ART3: variants seen among roughly 807,000 people sequenced by gnomAD.
ART3 encodes the protein ADP-ribosyltransferase 3 (inactive).
A neutral mutation model predicts 48.5 loss-of-function variants in ART3; 49 were observed. That is an observed-to-expected ratio of 1.01 (90% CI 0.80 to 1.28). The LOEUF (loss-of-function observed/expected upper bound fraction) is 1.28. Among genes scored for constraint, ART3 ranks in the 50% most tolerant of loss-of-function variants. The pLI, the probability that ART3 is intolerant of heterozygous loss-of-function variation, is 0.00. For synonymous variants in ART3, 145 were observed against 157.2 expected (o/e 0.92, Z 0.58); for missense variants, 438 against 454.3 (o/e 0.96, Z 0.33).
chr4:76,017,120 T>C (rs921380921), intron 1 of ART3, among the ~76,000 whole-genome samples: 1 of 152,134 alleles, frequency 6.6e-6, no homozygotes, highest in African/African-American at 2.4e-5. Flanking sequence ...TTACTTTTCC[T>C]TCTGCTTTTC....
At chr4:76,102,651 A>G (rs902352379) in intron 8 of ART3, among the ~76,000 whole-genome samples, 7 of 118,768 alleles carry the variant, frequency 5.9e-5, no homozygotes, top group African/African-American at 1.8e-4. Flanking sequence ...CTGCATATAG[A>G]GTATAATATT....
upstream of ART3, among the ~76,000 whole-genome samples, chr4:76,071,423 A>G (rs137963638): frequency 0.012 from 1,801 of 152,170 alleles, 17 homozygotes; most frequent in Non-Finnish European, 0.018. Context: ...TGGTCCCACC[A>G]TCAAGCTATA....
At chr4:76,065,859 T>C (rs1426567554) in intron 1 of ART3, among the ~76,000 whole-genome samples, 1 of 152,116 alleles carries the variant, frequency 6.6e-6, no homozygotes. Flanking sequence ...AATAGATATA[T>C]GTTTCATTCC....
At chr4:76,040,644 T>A (rs1019426732) in intron 1 of ART3, among the ~76,000 whole-genome samples, 4 of 151,688 alleles carry the variant, frequency 2.6e-5, no homozygotes, top group African/African-American at 9.7e-5. Flanking sequence ...ATAATCTTCC[T>A]CACGGAGGCT....
intron 1 of ART3, among the ~76,000 whole-genome samples, chr4:76,056,184 CA>C (rs904940944): frequency 1.3e-5 from 2 of 152,214 alleles, no homozygotes; most frequent in African/African-American, 4.8e-5. Context: ...AATTATTTCT[CA>C]GAGTCCCAGT....
chr4:76,045,498 G>A (rs1194560059), intron 1 of ART3, among the ~76,000 whole-genome samples: 2 of 151,964 alleles, frequency 1.3e-5, no homozygotes, highest in Non-Finnish European at 2.9e-5. Context: ...AGCCGCTGCT[G>A]CAACTACCCT....
At chr4:76,035,286 C>A (rs761321672) in intron 1 of ART3, 1 of 1,614,098 alleles carries the variant, frequency 6.2e-7, no homozygotes, top group African/African-American at 1.3e-5. Context: ...GCCACTTTCA[C>A]TGCTTTTACC....
At chr4:76,028,582 C>T (rs1201420482) in intron 1 of ART3, among the ~76,000 whole-genome samples, 5 of 152,212 alleles carry the variant, frequency 3.3e-5, no homozygotes, top group Admixed American at 1.3e-4. Flanking sequence ...AGGAGGACAT[C>T]AGTGATTTCT....
chr4:76,019,960 C>A (rs1408472763), intron 1 of ART3, among the ~76,000 whole-genome samples: 1 of 152,050 alleles, frequency 6.6e-6, no homozygotes, highest in Admixed American at 6.6e-5. Context: ...TTGATGTTAT[C>A]AAACTTAAAA....
chr4:76,108,807 A>C (rs1308668775), intron 11 of ART3, among the ~76,000 whole-genome samples: 2 of 152,248 alleles, frequency 1.3e-5, no homozygotes, highest in Non-Finnish European at 2.9e-5. Context: ...CCTAGGCTAT[A>C]AACCTTTACA....
At chr4:76,095,836 T>A (rs1725886625) in intron 3 of ART3, among the ~76,000 whole-genome samples, 1 of 152,232 alleles carries the variant, frequency 6.6e-6, no homozygotes, top group South Asian at 2.1e-4. Context: ...TGTAGCTTTC[T>A]TATCCACAAT....
chr4:76,079,176 T>TAA (rs35036561), intron 2 of ART3, among the ~76,000 whole-genome samples: 65,601 of 130,676 alleles, frequency 0.5, 18,117 homozygotes, highest in South Asian at 0.64. Context: ...TCATCTTTGT[T>TAA]AAAAAAAAAA....
intron 1 of ART3, chr4:76,012,227 ACT>A (rs1207968403): frequency 2.0e-5 from 3 of 152,080 alleles, no homozygotes; most frequent in Admixed American, 6.5e-5. Context: ...AGTGTGACTG[ACT>A]CTGTGGCAGG....
At chr4:76,100,922 G>A (rs374340243) in intron 7 of ART3, 68 bp from the exon 8 acceptor site, 5 of 1,602,776 alleles carry the variant, frequency 3.1e-6, no homozygotes, top group African/African-American at 2.7e-5. Context: ...TAATTTTGCT[G>A]TAGCTATAGT....
chr4:76,103,994 C>G (rs748707288), intron 9 of ART3, 25 bp downstream of exon 9: 11 of 1,610,142 alleles, frequency 6.8e-6, no homozygotes, highest in Non-Finnish European at 8.5e-6. Context: ...TATTTACTCC[C>G]TGAGCCCAAG....
intron 9 of ART3, 105 bp from the exon 10 acceptor site, chr4:76,104,492 T>C (rs771211985): frequency 9.0e-5 from 138 of 1,534,892 alleles, no homozygotes; most frequent in Middle Eastern, 5.2e-4. Flanking sequence ...CTATAGTGCA[T>C]TGGGGCCTTG....
At chr4:76,082,644 C>T (rs77655370) in intron 3 of ART3, 109 bp downstream of exon 3, 17,525 of 842,346 alleles carry the variant, frequency 0.021, 253 homozygotes, top group South Asian at 0.039. Context: ...GGTGAAATGA[C>T]ATTCCGTCTA....
chr4:76,104,770 A>G (rs1728105195), intron 10 of ART3, 141 bp downstream of exon 10: 2 of 1,092,342 alleles, frequency 1.8e-6, no homozygotes, highest in Admixed American at 4.6e-5. Context: ...ACATGACAGG[A>G]ATATTTGTAA....
chr4:76,039,659 A>G (rs1367558500), intron 1 of ART3, among the ~76,000 whole-genome samples: 1 of 152,254 alleles, frequency 6.6e-6, no homozygotes, highest in Non-Finnish European at 1.5e-5. Flanking sequence ...TAGACAAACA[A>G]TAGTGAATAT....
Sources: allele counts gnomAD v4.1 joint callset (sites outside exome capture counted in the v4.1 genomes callset), GRCh38; gene constraint gnomAD v4.1.1; transcripts MANE v1.5; gene names NCBI Gene and HGNC (gene_info 2026-07-23, HGNC 2026-07-21).